The following LIN7A variants were observed in gnomAD, a reference collection of about 807,000 sequenced individuals.
LIN7A encodes lin-7 cell polarity scaffold A.
Under a neutral mutation model 29.8 loss-of-function variants are expected in LIN7A, and 25 were observed. The observed-to-expected ratio is 0.84, with a 90% CI of 0.61 to 1.17. The LOEUF (loss-of-function observed/expected upper bound fraction) is 1.17, where lower values mean the gene tolerates loss of function less well. LIN7A is among the 50% of genes most tolerant of loss of function. The probability of loss-of-function intolerance (pLI) is 0.00; values close to 1 mark genes in which losing one functional copy is unlikely to be tolerated. For synonymous variants in LIN7A, 118 were observed against 107.5 expected, an observed-to-expected ratio of 1.10 and a Z score of -0.60; for missense variants, 239 against 287.0, an observed-to-expected ratio of 0.83 and a Z score of 1.21.
In LIN7A at chr12:80,877,388, T is replaced by A. The variant is rs191301846; in HGVS notation, c.201+11863A>T. On this transcript the variant is annotated intron_variant, in intron 2 of 5. Transcript: ENST00000552864. Reference sequence around the variant, plus strand: ...CCACAACAATGCAAAAATTATGGAATCTTAGCAGCATTATAGTAAGTGAAA... The same window carrying A: ...CCACAACAATGCAAAAATTATGGAAACTTAGCAGCATTATAGTAAGTGAAA... 1.3e-3 allele frequency among the ~76,000 whole-genome samples: 191 copies of A among 152,264 alleles called. 1 individual carries two copies. Among genetic ancestry groups the A allele is most frequent in the African/African-American group, 4.3e-3 (180 of 41,554 alleles).
intron 5 of LIN7A, among the ~76,000 whole-genome samples, chr12:80,807,158 G>A (rs1268713913): frequency 5.7e-5 from 8 of 139,998 alleles, no homozygotes; most frequent in East Asian, 2.2e-4. Context: ...TGCAAGCTCC[G>A]CCTCTTGGGT....
chr12:80,837,840 C>CCTCA (rs1872649077), intron 4 of LIN7A, among the ~76,000 whole-genome samples: 1 of 150,558 alleles, frequency 6.6e-6, no homozygotes, highest in African/African-American at 2.4e-5. Flanking sequence ...CATCATCATC[C>CCTCA]TCATCATCAT....
intron 2 of LIN7A, among the ~76,000 whole-genome samples, chr12:80,857,693 C>T (rs950311903): frequency 2.0e-4 from 31 of 152,064 alleles, no homozygotes; most frequent in African/African-American, 6.8e-4. Flanking sequence ...AATGGTTTTA[C>T]CAGATTGAAG....
intron 1 of LIN7A, among the ~76,000 whole-genome samples, chr12:80,926,472 G>T (rs745808187): frequency 6.6e-6 from 1 of 152,014 alleles, no homozygotes; most frequent in African/African-American, 2.4e-5. Context: ...CATATGAAAG[G>T]TTGTATTACC....
At chr12:80,902,859 CT>C (rs1171811564) in intron 1 of LIN7A, among the ~76,000 whole-genome samples, 2 of 151,702 alleles carry the variant, frequency 1.3e-5, no homozygotes, top group Non-Finnish European at 2.9e-5. Context: ...TTATTTCTTT[CT>C]TTTGCCTGTT....
chr12:80,898,424 T>A (rs1391965094), intron 1 of LIN7A, among the ~76,000 whole-genome samples: 7 of 152,160 alleles, frequency 4.6e-5, no homozygotes, highest in Admixed American at 2.0e-4. Context: ...GCTCTGTGGC[T>A]TTTTTGTTTT....
At chr12:80,802,755 C>T (rs960685930) in intron 5 of LIN7A, among the ~76,000 whole-genome samples, 5 of 151,952 alleles carry the variant, frequency 3.3e-5, no homozygotes, top group Admixed American at 2.6e-4. Context: ...CTGCCTCACC[C>T]TCCTCCTCCT....
At chr12:80,914,213 G>C (rs977582675) in intron 1 of LIN7A, among the ~76,000 whole-genome samples, 1 of 152,120 alleles carries the variant, frequency 6.6e-6, no homozygotes, top group South Asian at 2.1e-4. Context: ...CTATTCCAAA[G>C]AATGATCGGG....
intron 4 of LIN7A, among the ~76,000 whole-genome samples, chr12:80,819,998 A>G (rs931131102): frequency 6.6e-6 from 1 of 152,226 alleles, no homozygotes; most frequent in Admixed American, 6.5e-5. Flanking sequence ...GCTTGTTAGA[A>G]GAATGTTTAA....
At chr12:80,931,552 C>T (rs377374789) in intron 1 of LIN7A, among the ~76,000 whole-genome samples, 1 of 151,396 alleles carries the variant, frequency 6.6e-6, no homozygotes, top group Non-Finnish European at 1.5e-5. Flanking sequence ...GCCAGAGAAT[C>T]GCTTAAACCC....
At chr12:80,867,193 C>T (rs1429760398) in intron 2 of LIN7A, among the ~76,000 whole-genome samples, 1 of 152,132 alleles carries the variant, frequency 6.6e-6, no homozygotes, top group Non-Finnish European at 1.5e-5. Flanking sequence ...GCGATCCTGC[C>T]ACCTCAGCCT....
chr12:80,908,168 G>T (rs1471328572), intron 1 of LIN7A, among the ~76,000 whole-genome samples: 1 of 151,956 alleles, frequency 6.6e-6, no homozygotes, highest in South Asian at 2.1e-4. Context: ...TTCCAGACTT[G>T]CTTTTTCCAT....
At chr12:80,846,377 C>T (rs1873079405) in intron 3 of LIN7A, among the ~76,000 whole-genome samples, 1 of 152,126 alleles carries the variant, frequency 6.6e-6, no homozygotes, top group Non-Finnish European at 1.5e-5. Context: ...CTGGTGCTTG[C>T]ACATAAAAGT....
At chr12:80,937,513 C>T in intron 1 of LIN7A, 128 bp downstream of exon 1, 1 of 570,580 alleles carries the variant, frequency 1.8e-6, no homozygotes, top group Non-Finnish European at 2.8e-6. Flanking sequence ...CGAACGCCTT[C>T]CTGGCTCGTC....
At chr12:80,813,014 G>T (rs1316372713) in intron 4 of LIN7A, among the ~76,000 whole-genome samples, 1 of 151,914 alleles carries the variant, frequency 6.6e-6, no homozygotes, top group South Asian at 2.1e-4. Context: ...TAAATATACA[G>T]ATATATTTTT....
chr12:80,832,782 G>A (rs866370203), intron 4 of LIN7A, among the ~76,000 whole-genome samples: 2 of 152,024 alleles, frequency 1.3e-5, no homozygotes. Context: ...TTTTAATATT[G>A]TAGCTACTAT....
chr12:80,815,593 A>T (rs546140976), intron 4 of LIN7A, among the ~76,000 whole-genome samples: 9 of 152,216 alleles, frequency 5.9e-5, no homozygotes, highest in Non-Finnish European at 8.8e-5. Context: ...GTTGTCTTTT[A>T]TAAGAACCAG....
chr12:80,844,119 T>C (rs1872949368), intron 4 of LIN7A, among the ~76,000 whole-genome samples: 1 of 152,144 alleles, frequency 6.6e-6, no homozygotes, highest in South Asian at 2.1e-4. Context: ...GTTCATACTC[T>C]GGGGCATAAG....
chr12:80,912,950 A>C (rs1876841277), intron 1 of LIN7A, among the ~76,000 whole-genome samples: 1 of 152,210 alleles, frequency 6.6e-6, no homozygotes, highest in Admixed American at 6.5e-5. Context: ...TTTCTTATTA[A>C]AAATGTTCAG....
Sources: gnomAD v4.1 joint callset for allele counts (sites outside exome capture counted in the v4.1 genomes callset) on GRCh38, gnomAD v4.1.1 for gene constraint, MANE v1.5 for transcripts, NCBI Gene and HGNC (gene_info 2026-07-23, HGNC 2026-07-21) for gene names.